RYR2: variants seen among roughly 807,000 people sequenced by gnomAD.
RYR2 encodes ryanodine receptor 2, also known as cardiac muscle ryanodine receptor-calcium release channel.
In RYR2, 227 loss-of-function variants were observed where a neutral mutation model predicts 601.1. That is an observed-to-expected ratio of 0.38 (90% CI 0.34 to 0.42). RYR2 has a LOEUF of 0.42. Among genes scored for constraint, RYR2 ranks in the 10% least tolerant of loss-of-function variants. The pLI, the probability that RYR2 is intolerant of heterozygous loss-of-function variation, is 1.00. For synonymous variants in RYR2, 2,223 were observed against 2,175.1 expected (o/e 1.02, Z -0.61); for missense variants, 4,646 against 6,156.5 (o/e 0.75, Z 8.21).
chr1:237,344,149 G>A (rs1698085911), intron 3 of RYR2, among the ~76,000 whole-genome samples: 1 of 152,286 alleles, frequency 6.6e-6, no homozygotes, highest in East Asian at 1.9e-4. Context: ...AGTTCCTCGG[G>A]AAACTATTCA....
intron 4 of RYR2, among the ~76,000 whole-genome samples, chr1:237,362,677 T>C (rs574011379): frequency 1.3e-5 from 2 of 152,210 alleles, no homozygotes; most frequent in Non-Finnish European, 2.9e-5. Context: ...ATTTTGGTAA[T>C]ATCTAGCACT....
intron 1 of RYR2, among the ~76,000 whole-genome samples, chr1:237,056,512 C>CCTGTGAGGACTGGAGCACTGCGT (rs1662099663): frequency 7.3e-6 from 1 of 136,792 alleles, no homozygotes; most frequent in Non-Finnish European, 1.5e-5. Context: ...GAGCACTGCA[C>CCTGTGAGGACTGGAGCACTGCGT]CTGTGAGGAC....
At chr1:237,773,320 T>G (rs1384196884) in intron 86 of RYR2, among the ~76,000 whole-genome samples, 200 bp from the exon 87 acceptor site, 1 of 152,210 alleles carries the variant, frequency 6.6e-6, no homozygotes, top group Non-Finnish European at 1.5e-5. Context: ...TCTTCAGTTG[T>G]TAGCTATATC....
chr1:237,401,767 A>T (rs1338119663), intron 10 of RYR2, among the ~76,000 whole-genome samples: 9 of 152,162 alleles, frequency 5.9e-5, no homozygotes, highest in African/African-American at 2.2e-4. Flanking sequence ...GTTGTGCTGG[A>T]TCAAACCTCT....
At chr1:237,501,015 G>C in intron 21 of RYR2, 112 bp downstream of exon 21, 2 of 1,044,724 alleles carry the variant, frequency 1.9e-6, no homozygotes, top group South Asian at 2.8e-5. Flanking sequence ...TCTCTCCTGG[G>C]CACCTGTCCT....
intron 92 of RYR2, 138 bp downstream of exon 92, chr1:237,788,273 T>C: frequency 4.7e-6 from 3 of 636,222 alleles, no homozygotes; most frequent in East Asian, 5.6e-5. Flanking sequence ...GATTTGCTCA[T>C]TGTAGTGTGT....
chr1:237,319,764 C>T (rs1004759290), intron 2 of RYR2, among the ~76,000 whole-genome samples: 4 of 152,176 alleles, frequency 2.6e-5, no homozygotes, highest in African/African-American at 9.7e-5. Context: ...CCAAGATTTA[C>T]TTCCTGCTGG....
chr1:237,454,359 G>A, intron 14 of RYR2, 32 bp from the exon 15 acceptor site: 1 of 1,558,056 alleles, frequency 6.4e-7, no homozygotes, highest in Non-Finnish European at 8.7e-7. Context: ...GTGAATCACT[G>A]ACAATAGAGA....
At chr1:237,445,790 G>A (rs1386062993) in intron 14 of RYR2, among the ~76,000 whole-genome samples, 1 of 151,958 alleles carries the variant, frequency 6.6e-6, no homozygotes, top group African/African-American at 2.4e-5. Flanking sequence ...ACTTTTCCTT[G>A]TACTGAACCT....
rs188897715 is a variant in RYR2, at chr1:237,433,942, G to C, written c.1006-7377G>C. Among the ~76,000 whole-genome samples the C allele has an allele frequency of 2.6e-3, 399 of 152,268 alleles. 3 individuals carry two copies. The highest frequency in any genetic ancestry group is 9.3e-3 in the African/African-American group (386 of 41,548). Reference sequence around the variant, plus strand: ...AGTATGCAATAGTGAACTGACTGCTGGTTGACATAATTACTGTGTTGCAAA... The same window carrying C: ...AGTATGCAATAGTGAACTGACTGCTCGTTGACATAATTACTGTGTTGCAAA... On this transcript the variant is annotated intron_variant, in intron 12 of 104. Coordinates refer to ENST00000366574, the MANE Select transcript of RYR2 (RefSeq NM_001035.3).
At chr1:237,266,459 C>G (rs1465962111) in intron 1 of RYR2, among the ~76,000 whole-genome samples, 2 of 151,960 alleles carry the variant, frequency 1.3e-5, no homozygotes, top group Non-Finnish European at 1.5e-5. Context: ...AAATAGAAAA[C>G]ATTAAGCTAT....
At chr1:237,179,857 G>A (rs1219026382) in intron 1 of RYR2, among the ~76,000 whole-genome samples, 4 of 152,042 alleles carry the variant, frequency 2.6e-5, no homozygotes, top group African/African-American at 7.3e-5. Context: ...GGCCATAGCC[G>A]GCAACATCTA....
At chr1:237,322,845 T>C (rs1695760315) in intron 2 of RYR2, among the ~76,000 whole-genome samples, 1 of 151,164 alleles carries the variant, frequency 6.6e-6, no homozygotes, top group South Asian at 2.1e-4. Context: ...TGTGTGTGTG[T>C]GTGGTGTTAA....
intron 11 of RYR2, among the ~76,000 whole-genome samples, chr1:237,418,834 A>G (rs1258793985): frequency 1.3e-5 from 2 of 152,058 alleles, no homozygotes; most frequent in Non-Finnish European, 2.9e-5. Context: ...TGTCTTTGAT[A>G]TAAATGCACA....
intron 62 of RYR2, among the ~76,000 whole-genome samples, chr1:237,684,768 AAC>A (rs5781981): frequency 0.64 from 93,931 of 147,048 alleles, 29,619 homozygotes; most frequent in East Asian, 0.83. Context: ...GGATTATCTG[AAC>A]ACATATATAT....
chr1:237,824,916 A>G (rs927881860), intron 101 of RYR2, among the ~76,000 whole-genome samples: 1 of 152,184 alleles, frequency 6.6e-6, no homozygotes, highest in African/African-American at 2.4e-5. Context: ...ACACCCATTC[A>G]CAATTGCTAT....
At chr1:237,535,148 T>C (rs1668472376) in intron 25 of RYR2, among the ~76,000 whole-genome samples, 1 of 151,892 alleles carries the variant, frequency 6.6e-6, no homozygotes, top group African/African-American at 2.4e-5. Flanking sequence ...ATATTAAGTA[T>C]TACTTGGAGA....
intron 87 of RYR2, among the ~76,000 whole-genome samples, chr1:237,776,570 C>G (rs888716040): frequency 6.6e-6 from 1 of 152,098 alleles, no homozygotes; most frequent in East Asian, 1.9e-4. Context: ...GCAAGAACTC[C>G]CATCTGGATG....
intron 10 of RYR2, among the ~76,000 whole-genome samples, chr1:237,398,277 A>C (rs1406691383): frequency 6.6e-6 from 1 of 152,138 alleles, no homozygotes; most frequent in Admixed American, 6.5e-5. Flanking sequence ...GAATCTCATC[A>C]ACAGGAGAAA....
Sources: allele counts gnomAD v4.1 joint callset (sites outside exome capture counted in the v4.1 genomes callset), GRCh38; gene constraint gnomAD v4.1.1; transcripts MANE v1.5; gene names NCBI Gene and HGNC (gene_info 2026-07-23, HGNC 2026-07-21).